The following SLC38A7 variants were observed in gnomAD, a reference collection of about 807,000 sequenced individuals.
SLC38A7 encodes sodium-coupled neutral amino acid transporter 7.
A neutral mutation model predicts 50.1 loss-of-function variants in SLC38A7; 29 were observed. The ratio of observed to expected loss-of-function variants is 0.58; its 90% CI spans 0.43 to 0.79. The LOEUF is 0.79. Ranked by LOEUF, SLC38A7 falls within the 30% of genes least tolerant of loss-of-function variation. The pLI, the probability that SLC38A7 is intolerant of heterozygous loss-of-function variation, is 0.00. For missense variants in SLC38A7, 483 were observed against 610.6 expected, an observed-to-expected ratio of 0.79 and a Z score of 2.20; for synonymous variants, 244 against 245.9, an observed-to-expected ratio of 0.99 and a Z score of 0.07.
intron 8 of SLC38A7, among the ~76,000 whole-genome samples, chr16:58,675,723 C>A (rs766263456): frequency 1.3e-5 from 2 of 152,162 alleles, no homozygotes; most frequent in Non-Finnish European, 2.9e-5. Context: ...CCTGGCACTT[C>A]CTAGGCACCA....
chr16:58,671,912 C>A, intron 9 of SLC38A7, 184 bp downstream of exon 9: 1 of 602,506 alleles, frequency 1.7e-6, no homozygotes, highest in Non-Finnish European at 2.7e-6. Flanking sequence ...TTCTGGTGAC[C>A]CCAGGACAAA....
At position 58,667,290 on chromosome 16, in the gene SLC38A7, TTGGAATGATCG is replaced by T. The variant is rs746566255; in HGVS notation, c.*84_*94del. 3 of 1,286,574 alleles carry T rather than the reference TTGGAATGATCG, an allele frequency of 2.3e-6. No homozygotes were observed. Among genetic ancestry groups the T allele is most frequent in the East Asian group, 2.3e-5 (1 of 43,136 alleles). 79.7% of individuals were successfully genotyped at this position (1,286,574 alleles called of 1,614,324 possible). On this transcript the variant is annotated 3_prime_UTR_variant, in exon 12 of 12. Coordinates refer to ENST00000219320, the MANE Select transcript of SLC38A7 (RefSeq NM_018231.3). The stretch of plus-strand genomic sequence containing the variant: ...GGATGTCCGGATGTCATCCCACCAG[TTGGAATGATCG>T]TGGACTAAGAATGGCCCCATAGCTC...
At chr16:58,680,692 C>T (rs1160830587) in intron 2 of SLC38A7, among the ~76,000 whole-genome samples, 1 of 152,146 alleles carries the variant, frequency 6.6e-6, no homozygotes, top group Non-Finnish European at 1.5e-5. Flanking sequence ...CACAGGGTCC[C>T]AAAAGGACCC....
In SLC38A7 at chr16:58,667,103, C is replaced by T; in HGVS notation, c.*282G>A. The T allele has an allele frequency of 2.0e-6, 1 of 504,750 alleles. No homozygotes were observed. Among genetic ancestry groups the T allele is most frequent in the Non-Finnish European group, 3.5e-6 (1 of 284,568 alleles). 31.3% of individuals were successfully genotyped at this position (504,750 alleles called of 1,614,324 possible). On this transcript the variant is annotated 3_prime_UTR_variant, in exon 12 of 12. Transcript: ENST00000219320. The stretch of plus-strand genomic sequence containing the variant: ...ACCGACTCTCTTCACCCGTGGATTC[C>T]AGGCATGGAGAAGTTGAGAACTGGG...
In SLC38A7 at chr16:58,669,271, A is replaced by G. The variant is rs201145090; in HGVS notation, c.1286+842T>C. On this transcript the variant is annotated intron_variant, in intron 11 of 11. Transcript: ENST00000219320. ...GCTGGGATTACAGGCAGGTGCCACCATGCCCAGCTAATTTTGTATTTTTAG... is the reference window on the plus strand; with the variant it reads ...GCTGGGATTACAGGCAGGTGCCACCGTGCCCAGCTAATTTTGTATTTTTAG... Among the ~76,000 whole-genome samples, 12 of 148,438 alleles carry G rather than the reference A, an allele frequency of 8.1e-5. No individual in the cohort carries two copies. In the East Asian group the frequency reaches 2.5e-3, roughly 30 times the overall value.
intron 3 of SLC38A7, chr16:58,679,645 ATGT>A: frequency 1.7e-6 from 1 of 586,380 alleles, no homozygotes; most frequent in South Asian, 2.4e-5. Context: ...GATGTAATTG[ATGT>A]TCAAATTTCT....
At chr16:58,680,370 GC>G in intron 2 of SLC38A7, 129 bp from the exon 3 acceptor site, 1 of 400,312 alleles carries the variant, frequency 2.5e-6, no homozygotes, top group Non-Finnish European at 4.4e-6. Flanking sequence ...TGCAGACAGT[GC>G]ACTGGGTGCC....
At position 58,675,263 on chromosome 16, in the gene SLC38A7, T is replaced by C. The variant is rs187935387; in HGVS notation, c.883+677A>G. Reference sequence around the variant, plus strand: ...GGCTCATGCCTGTAACCCCAGCACTTTGGGAGGCCGAGGCAGGAGAATTGC... The same window carrying C: ...GGCTCATGCCTGTAACCCCAGCACTCTGGGAGGCCGAGGCAGGAGAATTGC... On this transcript the variant is annotated intron_variant, in intron 8 of 11. Coordinates refer to ENST00000219320, the MANE Select transcript of SLC38A7 (RefSeq NM_018231.3). 1.5e-5 allele frequency: 6 copies of C among 400,828 alleles called. No homozygotes were observed. The East Asian group carries it at 3.7e-4, about 25-fold the overall frequency. 24.8% of individuals were successfully genotyped at this position (400,828 alleles called of 1,614,324 possible).
At chr16:58,674,096 A>T (rs2044215444) in intron 8 of SLC38A7, among the ~76,000 whole-genome samples, 1 of 151,948 alleles carries the variant, frequency 6.6e-6, no homozygotes, top group Non-Finnish European at 1.5e-5. Flanking sequence ...AAGTCCTGGG[A>T]TTACAGGCGT....
chr16:58,672,639 G>A (rs1287476522), intron 8 of SLC38A7, among the ~76,000 whole-genome samples: 2 of 152,000 alleles, frequency 1.3e-5, no homozygotes, highest in Non-Finnish European at 2.9e-5. Flanking sequence ...CTCACATCAC[G>A]CTGTCTTATT....
chr16:58,679,945 A>G lies in SLC38A7; in HGVS notation c.182T>C (p.Val61Ala). The stretch of plus-strand genomic sequence containing the variant: ...TAACCCTGCACCCAGGCACGCGTTG[A>G]CGACGATGAAGATGGCCCCAAGTGT... ...TSTLGAIFIV[V>A]NACLGAGLLN... Residue 61 changes from valine to alanine, a missense_variant, in exon 3 of 12, where the codon GTC becomes GCC. By Grantham distance (64) the Val-to-Ala change is moderately conservative (BLOSUM62 0). Coordinates refer to ENST00000219320, the MANE Select transcript of SLC38A7 (RefSeq NM_018231.3). 1 of 1,611,954 alleles carries G rather than the reference A, an allele frequency of 6.2e-7. No homozygotes were observed. Among genetic ancestry groups the G allele is most frequent in the Non-Finnish European group, 8.5e-7 (1 of 1,178,604 alleles).
In SLC38A7 at chr16:58,675,978, G is replaced by A. The variant is rs1242731532; in HGVS notation, c.845C>T (p.Ala282Val). The A allele has an allele frequency of 2.5e-6, 4 of 1,613,616 alleles. No individual in the cohort carries two copies. Among genetic ancestry groups the A allele is most frequent in the Non-Finnish European group, 3.4e-6 (4 of 1,179,836 alleles). ...EVKTWGGVVT[A>V]AMVIALAVYM... The stretch of plus-strand genomic sequence containing the variant: ...GACAGCGAGGGCTATGACCATGGCA[G>A]CTGTCACCACTCCACCCCAGGTCTT... The change falls in exon 8 of 12, where the codon GCT becomes GTT. Residue 282 changes from alanine to valine, a missense_variant. Transcript: ENST00000219320.
intron 3 of SLC38A7, 72 bp downstream of exon 3, chr16:58,679,785 A>G: frequency 6.3e-7 from 1 of 1,598,472 alleles, no homozygotes; most frequent in Non-Finnish European, 8.5e-7. Flanking sequence ...GCCATCCCTG[A>G]CCCGAAGCCT....
chr16:58,674,813 C>T (rs76450249), intron 8 of SLC38A7, among the ~76,000 whole-genome samples: 6,161 of 152,168 alleles, frequency 0.04, 161 homozygotes, highest in South Asian at 0.074. Context: ...ACGGTCTATC[C>T]GTGGAAAGAA....
chr16:58,676,168 T>G, intron 7 of SLC38A7, 114 bp from the exon 8 acceptor site: 1 of 1,548,324 alleles, frequency 6.5e-7, no homozygotes, highest in Admixed American at 1.7e-5. Context: ...CTGAGGCCCC[T>G]GTTCCATCCT....
chr16:58,673,150 A>T (rs1179928875), intron 8 of SLC38A7, among the ~76,000 whole-genome samples: 1 of 132,984 alleles, frequency 7.5e-6, no homozygotes, highest in Non-Finnish European at 1.5e-5. Flanking sequence ...AGGCTGGAGT[A>T]CAATGGCATG....
chr16:58,680,094 G>C lies in SLC38A7; in HGVS notation c.33C>G (p.Ser11Arg). MAQVSINNDY[S>R]EWDLSTDAGE... The stretch of plus-strand genomic sequence containing the variant: ...CGGCATCCGTGCTCAAGTCCCACTC[G>C]CTGTAGTCATTGTTGATGCTGACCT... Residue 11 changes from serine to arginine, a missense_variant, in exon 3 of 12, where the codon AGC (serine) becomes AGG (arginine). Transcript: ENST00000219320. 1 of 1,549,532 alleles carries C rather than the reference G, an allele frequency of 6.5e-7. No homozygotes were observed. The highest frequency in any genetic ancestry group is 8.7e-7 in the Non-Finnish European group (1 of 1,146,074).
At chr16:58,669,611 G>A (rs868157969) in intron 11 of SLC38A7, among the ~76,000 whole-genome samples, 13 of 151,836 alleles carry the variant, frequency 8.6e-5, no homozygotes, top group African/African-American at 3.1e-4. Flanking sequence ...TTTGTATTAA[G>A]CCCTTTATTA....
At chr16:58,668,740 A>G (rs2044095857) in intron 11 of SLC38A7, among the ~76,000 whole-genome samples, 1 of 150,718 alleles carries the variant, frequency 6.6e-6, no homozygotes, top group South Asian at 2.1e-4. Context: ...AAAAAGACAA[A>G]AAAAAAAGAA....
Sources: allele counts gnomAD v4.1 joint callset (sites outside exome capture counted in the v4.1 genomes callset), GRCh38; gene constraint gnomAD v4.1.1; transcripts MANE v1.5; gene names NCBI Gene and HGNC (gene_info 2026-07-23, HGNC 2026-07-21).